The following TMEM74 variants were observed in gnomAD, a reference collection of about 807,000 sequenced individuals.
The protein encoded by TMEM74 is transmembrane protein 74.
TMEM74 carries 13 observed loss-of-function variants against 18.1 expected under a neutral mutation model. That is an observed-to-expected ratio of 0.72 (90% CI 0.47 to 1.14). The LOEUF (loss-of-function observed/expected upper bound fraction) is 1.14. Among genes scored for constraint, TMEM74 ranks in the 50% most tolerant of loss-of-function variants. The pLI is 0.00. For synonymous variants in TMEM74, 159 were observed against 146.6 expected (o/e 1.08, Z -0.61); for missense variants, 372 against 375.9 (o/e 0.99, Z 0.09).
chr8:108,701,780 AAG>A lies in TMEM74; in HGVS notation n.120-46345_120-46344del, dbSNP rs1415263154. On this transcript the variant is annotated intron_variant and non_coding_transcript_variant, in intron 1 of 3. Coordinates refer to the TMEM74 transcript ENST00000518838. ...AAACAGAGAAATTTATGTTCATGTA[AAG>A]AGTCAGTATTGTCAAGATGTCAAGA... 8.5e-5 allele frequency among the ~76,000 whole-genome samples: 13 copies of A among 152,286 alleles called. No individual in the cohort carries two copies. The East Asian group carries it at 2.5e-3, about 29-fold the overall frequency.
chr8:108,722,433 AACACTG>A (rs1203401341), intron 1 of TMEM74, among the ~76,000 whole-genome samples: 1 of 152,200 alleles, frequency 6.6e-6, no homozygotes, highest in Non-Finnish European at 1.5e-5. Context: ...GTTAAGACTG[AACACTG>A]ACCAAAACTT....
At chr8:108,774,841 C>T (rs1162198706), downstream of TMEM74, among the ~76,000 whole-genome samples, 1 of 149,568 alleles carries the variant, frequency 6.7e-6, no homozygotes, top group Non-Finnish European at 1.5e-5. Context: ...TTAAGTGATC[C>T]TCCTGCCTCA....
rs1189844440 is a variant in TMEM74 at position 108,785,015 on chromosome 8, A to T, written c.84T>A (p.Gly28=). The T allele has an allele frequency of 1.9e-6, 3 of 1,614,014 alleles. No individual in the cohort carries two copies. Among genetic ancestry groups the T allele is most frequent in the Non-Finnish European group, 2.5e-6 (3 of 1,180,026 alleles). The change falls in exon 2 of 2, where the codon GGT becomes GGA. Residue 28 remains glycine (G), a synonymous_variant. Coordinates refer to ENST00000297459, the MANE Select transcript of TMEM74 (RefSeq NM_153015.3). ...ARDWSSRGLP[G]DQADTAATRA... is the part of the protein sequence containing the mutation. ...TTGTGGCTGCTGTATCTGCCTGGTC[A>T]CCAGGCAGCCCTCTTGAACTCCAGT... is the stretch of plus-strand genomic sequence containing the variant.
At chr8:108,692,343 T>C (rs1043219383) in intron 1 of TMEM74, among the ~76,000 whole-genome samples, 6 of 152,226 alleles carry the variant, frequency 3.9e-5, no homozygotes, top group Admixed American at 2.6e-4. Context: ...TCACTCATGA[T>C]ACAATTTTCT....
At chr8:108,730,822 G>A (rs1023463993) in intron 1 of TMEM74, among the ~76,000 whole-genome samples, 63 of 151,808 alleles carry the variant, frequency 4.1e-4, no homozygotes, top group African/African-American at 1.5e-3. Context: ...TAGTAGAGAC[G>A]GGGTTTCACC....
At chr8:108,773,216 A>C (rs1356853145) in intron 1 of TMEM74, among the ~76,000 whole-genome samples, 5 of 152,080 alleles carry the variant, frequency 3.3e-5, no homozygotes, top group Admixed American at 3.3e-4. Flanking sequence ...ACACACCCAC[A>C]GACTTGTTTC....
chr8:108,759,772 G>C (rs1257194556), intron 1 of TMEM74, among the ~76,000 whole-genome samples: 2 of 152,104 alleles, frequency 1.3e-5, no homozygotes, highest in African/African-American at 2.4e-5. Context: ...GAGAGAATGA[G>C]GTGGAATGAG....
intron 1 of TMEM74, among the ~76,000 whole-genome samples, chr8:108,657,410 A>G (rs1194787792): frequency 2.0e-5 from 3 of 150,982 alleles, no homozygotes; most frequent in African/African-American, 4.9e-5. Context: ...AAGTTTGGGT[A>G]TTGGCCAAAT....
chr8:108,717,225 C>T (rs1295402443), intron 1 of TMEM74, among the ~76,000 whole-genome samples: 1 of 151,718 alleles, frequency 6.6e-6, no homozygotes, highest in Non-Finnish European at 1.5e-5. Flanking sequence ...AAAGGAGTTA[C>T]TCAAAAAAAT....
chr8:108,710,127 C>G (rs1162504019), intron 1 of TMEM74, among the ~76,000 whole-genome samples: 1 of 152,190 alleles, frequency 6.6e-6, no homozygotes, highest in African/African-American at 2.4e-5. Flanking sequence ...CATAAGGTGC[C>G]TAGCACACTG....
At chr8:108,706,109 C>A (rs1293889593) in intron 1 of TMEM74, among the ~76,000 whole-genome samples, 1 of 152,168 alleles carries the variant, frequency 6.6e-6, no homozygotes, top group Non-Finnish European at 1.5e-5. Context: ...ACTAAGCACA[C>A]CAGAGGCACA....
At chr8:108,756,548 A>AAAAGAAAGAAAGAAAGAAAGAAAG (rs57444896) in intron 1 of TMEM74, among the ~76,000 whole-genome samples, 31 of 44,956 alleles carry the variant, frequency 6.9e-4, no homozygotes, top group Admixed American at 9.4e-4. Flanking sequence ...CACTGTAAAG[A>AAAAGAAAGAAAGAAAGAAAGAAAG]AAAGAAAGAA....
At chr8:108,628,146 A>G (rs150301315) in intron 2 of TMEM74, among the ~76,000 whole-genome samples, 1 of 152,216 alleles carries the variant, frequency 6.6e-6, no homozygotes, top group East Asian at 1.9e-4. Context: ...AGTTATGCTC[A>G]GGATCATCAC....
At chr8:108,755,892 A>C (rs1813954748) in intron 1 of TMEM74, among the ~76,000 whole-genome samples, 1 of 152,042 alleles carries the variant, frequency 6.6e-6, no homozygotes, top group East Asian at 1.9e-4. Flanking sequence ...ACAAAGAGAA[A>C]ATAGAGAAGA....
chr8:108,761,891 A>G (rs1044598534), intron 1 of TMEM74, among the ~76,000 whole-genome samples: 1 of 152,274 alleles, frequency 6.6e-6, no homozygotes, highest in Non-Finnish European at 1.5e-5. Context: ...CTATCAAGTC[A>G]CAACACAAAA....
intron 1 of TMEM74, among the ~76,000 whole-genome samples, chr8:108,728,031 T>C (rs1013984821): frequency 6.6e-6 from 1 of 152,184 alleles, no homozygotes; most frequent in African/African-American, 2.4e-5. Flanking sequence ...GGAACCTAGA[T>C]GAGTGCAATT....
At chr8:108,787,136 C>A (rs763911916) in intron 1 of TMEM74, among the ~76,000 whole-genome samples, 4 of 152,162 alleles carry the variant, frequency 2.6e-5, no homozygotes, top group African/African-American at 4.8e-5. Context: ...CACTTTCCCT[C>A]GTCCATCTGT....
At chr8:108,653,699 G>A (rs1360958999) in intron 2 of TMEM74, among the ~76,000 whole-genome samples, 3 of 151,956 alleles carry the variant, frequency 2.0e-5, no homozygotes, top group Non-Finnish European at 4.4e-5. Flanking sequence ...TAAGAAAAAA[G>A]CAAAGCACAG....
intron 1 of TMEM74, among the ~76,000 whole-genome samples, chr8:108,734,713 CCTT>C (rs1813728553): frequency 6.6e-6 from 1 of 152,040 alleles, no homozygotes; most frequent in Non-Finnish European, 1.5e-5. Flanking sequence ...AAAAGAACCT[CCTT>C]AAGGAGCCGA....
Sources: gnomAD v4.1 joint callset for allele counts (sites outside exome capture counted in the v4.1 genomes callset) on GRCh38, gnomAD v4.1.1 for gene constraint, MANE v1.5 for transcripts, NCBI Gene and HGNC (gene_info 2026-07-23, HGNC 2026-07-21) for gene names.